PCDHGA9: variants seen among roughly 807,000 people sequenced by gnomAD.
PCDHGA9 encodes protocadherin gamma-A9.
PCDHGA9 carries 37 observed loss-of-function variants against 62.5 expected under a neutral mutation model. The observed-to-expected ratio is 0.59, with a 90% CI of 0.46 to 0.78. PCDHGA9 has a LOEUF of 0.78. Among genes scored for constraint, PCDHGA9 ranks in the 30% least tolerant of loss-of-function variants. The pLI, the probability that PCDHGA9 is intolerant of heterozygous loss-of-function variation, is 0.00. For synonymous variants in PCDHGA9, 459 were observed against 484.6 expected (o/e 0.95, Z 0.69); for missense variants, 1,138 against 1,166.2 (o/e 0.98, Z 0.35).
intron 1 of PCDHGA9, chr5:141,426,967 T>G (rs151241654): frequency 2.2e-6 from 1 of 456,702 alleles, no homozygotes; most frequent in East Asian, 6.9e-5. Context: ...GCAATTCAAA[T>G]TGAGGTCACT....
chr5:141,480,224 T>G (rs2099514647), intron 1 of PCDHGA9, among the ~76,000 whole-genome samples: 1 of 146,584 alleles, frequency 6.8e-6, no homozygotes, highest in Non-Finnish European at 1.5e-5. Context: ...AGCGACATAG[T>G]GAGATCCTGT....
At chr5:141,478,735 G>T in intron 1 of PCDHGA9, 1 of 1,535,968 alleles carries the variant, frequency 6.5e-7, no homozygotes, top group Non-Finnish European at 8.8e-7. Flanking sequence ...AGTGTGGTTT[G>T]TGGTCCCATT....
chr5:141,433,064 A>T, intron 1 of PCDHGA9: 1 of 1,614,064 alleles, frequency 6.2e-7, no homozygotes, highest in Non-Finnish European at 8.5e-7. Context: ...GAGTCACCTG[A>T]TCTTCCCCCA....
At chr5:141,501,298 C>T (rs998006748) in intron 2 of PCDHGA9, among the ~76,000 whole-genome samples, 216 of 148,422 alleles carry the variant, frequency 1.5e-3, no homozygotes, top group Admixed American at 2.4e-3. Context: ...TATACACACA[C>T]ACACACACAC....
intron 1 of PCDHGA9, among the ~76,000 whole-genome samples, chr5:141,466,994 T>C (rs944607423): frequency 6.6e-6 from 1 of 152,176 alleles, no homozygotes; most frequent in African/African-American, 2.4e-5. Flanking sequence ...CTTTTGGCAT[T>C]TTTTTGCAAT....
intron 1 of PCDHGA9, chr5:141,433,151 G>T (rs2097572071): frequency 1.2e-6 from 2 of 1,614,006 alleles, no homozygotes; most frequent in African/African-American, 1.3e-5. Context: ...AGGTGATTCG[G>T]TATTTTCTAA....
intron 1 of PCDHGA9, among the ~76,000 whole-genome samples, chr5:141,444,402 C>T (rs916833331): frequency 6.6e-6 from 1 of 151,932 alleles, no homozygotes; most frequent in African/African-American, 2.4e-5. Flanking sequence ...AACTCCCAAC[C>T]TCAGGTGATC....
chr5:141,490,098 T>C lies in PCDHGA9; in HGVS notation c.2425-4709T>C, dbSNP rs774132407. On this transcript the variant is annotated intron_variant, in intron 1 of 3. Transcript: ENST00000573521. The surrounding 1 kb of genome is among the most constrained non-coding windows in gnomAD (Gnocchi z 5.4). ...ACTATTCTTTTGGAGACCACACATCTGAGGCAGTGCGGAACCTCTTTGGCC... is the reference window on the plus strand; with the variant it reads ...ACTATTCTTTTGGAGACCACACATCCGAGGCAGTGCGGAACCTCTTTGGCC... The C allele has an allele frequency of 6.2e-7, 1 of 1,614,260 alleles. No homozygotes were observed. The highest frequency in any genetic ancestry group is 8.5e-7 in the Non-Finnish European group (1 of 1,180,038).
intron 1 of PCDHGA9, chr5:141,427,503 A>C (rs1317684577): frequency 6.9e-6 from 4 of 578,118 alleles, no homozygotes; most frequent in Non-Finnish European, 9.8e-6. Flanking sequence ...AACAGATGGG[A>C]CCCTGGATTG....
intron 1 of PCDHGA9, chr5:141,407,873 A>G (rs561323423): frequency 2.0e-5 from 7 of 354,686 alleles, no homozygotes; most frequent in African/African-American, 1.3e-4. Context: ...CGAAGAATAT[A>G]TACATTTCGG....
rs761227475 is a variant in PCDHGA9 at position 141,489,382 on chromosome 5, G to A, written c.2425-5425G>A. 4 of 1,613,872 alleles carry A rather than the reference G, an allele frequency of 2.5e-6. No homozygotes were observed. The highest frequency in any genetic ancestry group is 1.7e-5 in the Admixed American group (1 of 60,006). On this transcript the variant is annotated intron_variant, in intron 1 of 3. Coordinates refer to ENST00000573521, the MANE Select transcript of PCDHGA9 (RefSeq NM_018921.3). The surrounding 1 kb of genome is among the most constrained non-coding windows in gnomAD (Gnocchi z 4.5). ...TGAGCCGGGGACGCTGGTGGGGAATGTTGCTCAGGATCTGGGCTTAAAGAT... is the reference window on the plus strand; with the variant it reads ...TGAGCCGGGGACGCTGGTGGGGAATATTGCTCAGGATCTGGGCTTAAAGAT...
At chr5:141,507,724 G>A (rs2099862962) in intron 3 of PCDHGA9, among the ~76,000 whole-genome samples, 1 of 152,256 alleles carries the variant, frequency 6.6e-6, no homozygotes. Context: ...CTCCAAGCAA[G>A]TCATGCAGCT....
chr5:141,472,556 T>A (rs2099287889), intron 1 of PCDHGA9, among the ~76,000 whole-genome samples: 1 of 151,628 alleles, frequency 6.6e-6, no homozygotes, highest in South Asian at 2.1e-4. Flanking sequence ...AAAAAAATTA[T>A]ATTATAAATG....
rs763840734 is a variant in PCDHGA9, at chr5:141,428,113, T to C, written c.2424+22737T>C. The stretch of plus-strand genomic sequence containing the variant: ...CTGTCCTACCACGTGCTGCAGGCCA[T>C]CGAGCCCGGGCTTTTCAGCCTGGGG... On this transcript the variant is annotated intron_variant, in intron 1 of 3. Transcript: ENST00000573521. 1.0e-5 allele frequency: 16 copies of C among 1,607,374 alleles called. No homozygotes were observed. In the African/African-American group the frequency reaches 1.9e-4, roughly 19 times the overall value.
At chr5:141,437,249 T>G (rs2097870737) in intron 1 of PCDHGA9, among the ~76,000 whole-genome samples, 1 of 152,240 alleles carries the variant, frequency 6.6e-6, no homozygotes, top group African/African-American at 2.4e-5. Context: ...GGACTTTCCT[T>G]GTCTTTTTAT....
At chr5:141,504,738 C>G (rs2099840693) in intron 2 of PCDHGA9, among the ~76,000 whole-genome samples, 1 of 151,874 alleles carries the variant, frequency 6.6e-6, no homozygotes, top group Non-Finnish European at 1.5e-5. Flanking sequence ...GCTTAGGAAG[C>G]CATTGAATTT....
chr5:141,460,833 T>G (rs541553903), intron 1 of PCDHGA9, among the ~76,000 whole-genome samples: 2 of 151,928 alleles, frequency 1.3e-5, no homozygotes, highest in African/African-American at 4.8e-5. Flanking sequence ...ACACTTAAAG[T>G]AATGGCCTCC....
At chr5:141,416,687 A>G (rs1283053610) in intron 1 of PCDHGA9, 1 of 152,270 alleles carries the variant, frequency 6.6e-6, no homozygotes, top group Non-Finnish European at 1.5e-5. Flanking sequence ...GGGAAATTAT[A>G]TAAACAAAGG....
chr5:141,485,380 G>A lies in PCDHGA9; in HGVS notation c.2425-9427G>A. The A allele has an allele frequency of 1.9e-6, 3 of 1,614,146 alleles. No individual in the cohort carries two copies. The highest frequency in any genetic ancestry group is 2.5e-6 in the Non-Finnish European group (3 of 1,180,032). On this transcript the variant is annotated intron_variant, in intron 1 of 3. Coordinates refer to ENST00000573521, the MANE Select transcript of PCDHGA9 (RefSeq NM_018921.3). This position sits in a 1 kb window ranked among gnomAD's most constrained non-coding sequence, Gnocchi z 5.7. ...CTCGCAGGCTGCAGGTCGCTGGAGA[G>A]GTGAACCAAAGACACTTCCGTGTGG... is the stretch of plus-strand genomic sequence containing the variant.
Sources: allele counts gnomAD v4.1 joint callset (sites outside exome capture counted in the v4.1 genomes callset), GRCh38; gene constraint gnomAD v4.1.1; non-coding constraint Gnocchi (gnomAD v3.1); transcripts MANE v1.5; gene names NCBI Gene and HGNC (gene_info 2026-07-23, HGNC 2026-07-21).